HEATR5A: variants seen among roughly 807,000 people sequenced by gnomAD.
The protein encoded by HEATR5A is HEAT repeat containing 5A.
HEATR5A carries 178 observed loss-of-function variants against 218.8 expected under a neutral mutation model. The observed-to-expected ratio is 0.81, with a 90% confidence interval of 0.72 to 0.92. The LOEUF (loss-of-function observed/expected upper bound fraction) is 0.92. Ranked by LOEUF, HEATR5A falls within the 40% of genes least tolerant of loss-of-function variation. HEATR5A has a pLI of 0.00. For synonymous variants in HEATR5A, 864 were observed against 871.6 expected (o/e 0.99, Z 0.15); for missense variants, 2,420 against 2,418.9 (o/e 1.00, Z -0.01).
rs143549081 is a variant in HEATR5A, at chr14:31,404,211, A to T, written c.-74-1162T>A. ...TAGAAGGTACCAGATCATATACAAA[A>T]GATGGGTATTCCTATTCACTAGTGT... On this transcript the variant is annotated intron_variant, in intron 1 of 35. Transcript: ENST00000543095. Among the ~76,000 whole-genome samples, 284 of 152,374 alleles carry T rather than the reference A, an allele frequency of 1.9e-3. 2 individuals carry two copies. The highest frequency in any genetic ancestry group is 6.5e-3 in the African/African-American group (270 of 41,592).
chr14:31,358,083 T>C (rs922463325), intron 16 of HEATR5A, among the ~76,000 whole-genome samples: 3 of 152,220 alleles, frequency 2.0e-5, no homozygotes, highest in Admixed American at 6.5e-5. Flanking sequence ...CCCCTCACAA[T>C]GCCTGATGAT....
rs925607421 is a variant in HEATR5A at position 31,292,036 on chromosome 14, C to T, written c.*1269G>A. ...AGTGCTTGATTCACACAGTATAACA[C>T]TGAAGTAGAAGGAGAATCAACAATC... is the stretch of plus-strand genomic sequence containing the variant. On this transcript the variant is annotated 3_prime_UTR_variant, in exon 36 of 36. Transcript: ENST00000543095. 1 of 152,142 alleles carries T rather than the reference C, an allele frequency of 6.6e-6. No homozygotes were observed. The highest frequency in any genetic ancestry group is 6.5e-5 in the Admixed American group (1 of 15,276). 9.4% of individuals were successfully genotyped at this position (152,142 alleles called of 1,614,324 possible).
chr14:31,392,548 C>T lies in HEATR5A; in HGVS notation c.772+1504G>A, dbSNP rs566336911. Among the ~76,000 whole-genome samples the T allele has an allele frequency of 2.6e-4, 40 of 152,252 alleles. 1 individual carries two copies. The South Asian group carries it at 8.3e-3, about 32-fold the overall frequency. On this transcript the variant is annotated intron_variant, in intron 6 of 35. Coordinates refer to ENST00000543095, the MANE Select transcript of HEATR5A (RefSeq NM_015473.4). The stretch of plus-strand genomic sequence containing the variant: ...TCTATATTAGAGATTCCTGAATAAT[C>T]ACTATTAATTTATTCCTAAAATAAA...
chr14:31,374,458 T>A (rs1902153263), intron 12 of HEATR5A, among the ~76,000 whole-genome samples: 2 of 152,162 alleles, frequency 1.3e-5, no homozygotes, highest in Admixed American at 1.3e-4. Flanking sequence ...TCCATGCTGT[T>A]CAAGGGTCAA....
chr14:31,374,747 T>C (rs1236775430), intron 12 of HEATR5A, 69 bp downstream of exon 12: 5 of 1,416,270 alleles, frequency 3.5e-6, no homozygotes, highest in Non-Finnish European at 3.8e-6. Flanking sequence ...AACATACAAG[T>C]ACATGTTAAA....
chr14:31,382,154 C>G (rs2030017199), intron 10 of HEATR5A, among the ~76,000 whole-genome samples: 1 of 152,150 alleles, frequency 6.6e-6, no homozygotes, highest in Non-Finnish European at 1.5e-5. Context: ...GGAACCTTGT[C>G]TGAATTAATG....
At chr14:31,419,570 G>T (rs1476844299) in intron 1 of HEATR5A, among the ~76,000 whole-genome samples, 2 of 151,992 alleles carry the variant, frequency 1.3e-5, no homozygotes, top group African/African-American at 4.8e-5. Flanking sequence ...CCTTAAGGGC[G>T]CCTAGCCCCA....
chr14:31,362,202 C>T (rs138769443), intron 14 of HEATR5A, among the ~76,000 whole-genome samples: 3,453 of 152,086 alleles, frequency 0.023, 124 homozygotes, highest in African/African-American at 0.079. Flanking sequence ...TTCCTGACCT[C>T]AAATGATCCA....
intron 32 of HEATR5A, 25 bp downstream of exon 32, chr14:31,304,880 C>G: frequency 1.9e-6 from 3 of 1,604,186 alleles, no homozygotes; most frequent in Middle Eastern, 1.7e-4. Flanking sequence ...TAGGTCAAGT[C>G]AAGCAATCAC....
intron 25 of HEATR5A, chr14:31,320,689 G>A (rs577183671): frequency 1.0e-4 from 48 of 477,766 alleles, no homozygotes; most frequent in African/African-American, 2.4e-4. Context: ...TCCCCCACCC[G>A]GAAAATCAAC....
chr14:31,343,377 T>C lies in HEATR5A; in HGVS notation c.3228+519A>G, dbSNP rs190670641. ...AGCCACTGCGCCTGGCCAGGGGAAGTCTTAAAACCAATGACAATGAACCAC... is the reference window on the plus strand; with the variant it reads ...AGCCACTGCGCCTGGCCAGGGGAAGCCTTAAAACCAATGACAATGAACCAC... On this transcript the variant is annotated intron_variant, in intron 21 of 35. Transcript: ENST00000543095. Among the ~76,000 whole-genome samples the C allele has an allele frequency of 2.3e-4, 35 of 152,286 alleles. No homozygotes were observed. The East Asian group carries it at 6.6e-3, about 29-fold the overall frequency.
At chr14:31,344,196 C>G (rs1422776004) in intron 20 of HEATR5A, 131 bp from the exon 21 acceptor site, 5 of 323,290 alleles carry the variant, frequency 1.5e-5, no homozygotes, top group African/African-American at 1.1e-4. Context: ...ACAGTCACTA[C>G]AAATCTGTGA....
intron 1 of HEATR5A, among the ~76,000 whole-genome samples, chr14:31,404,509 C>T (rs1369481877): frequency 6.6e-6 from 1 of 152,070 alleles, no homozygotes; most frequent in East Asian, 1.9e-4. Flanking sequence ...TGAAAAAAGC[C>T]TCTTTAATAA....
At chr14:31,338,157 C>T (rs763994093) in intron 21 of HEATR5A, among the ~76,000 whole-genome samples, 5 of 152,122 alleles carry the variant, frequency 3.3e-5, no homozygotes, top group Non-Finnish European at 7.4e-5. Flanking sequence ...TTAGTTTCCT[C>T]GTTTGTAACA....
rs547846439 is a variant in HEATR5A, at chr14:31,317,658, A to G, written c.4038+566T>C. Among the ~76,000 whole-genome samples the G allele has an allele frequency of 7.9e-5, 12 of 152,310 alleles. No individual in the cohort carries two copies. The South Asian group carries it at 2.1e-3, about 26-fold the overall frequency. ...GAAAAGCAACTGTTTAAAATTGTAT[A>G]TTGTATGGCTCTTAAGTATATGAAA... On this transcript the variant is annotated intron_variant, in intron 26 of 35. Transcript: ENST00000543095.
Position 31,308,946 on chromosome 14 carries a change from G to A in HEATR5A, c.4678C>T (p.His1560Tyr), listed in dbSNP as rs368859078. 1.7e-5 allele frequency: 28 copies of A among 1,611,664 alleles called. No individual in the cohort carries two copies. In the African/African-American group the frequency reaches 2.8e-4, roughly 16 times the overall value. The change falls in exon 29 of 36, where the codon CAT becomes TAT. Residue 1560 changes from histidine (H) to tyrosine (Y), a missense_variant. By Grantham distance (83) the His-to-Tyr change is moderately conservative (BLOSUM62 2). Transcript: ENST00000543095. ...TGGTTTAACTGACCTAAAATAAGAT[G>A]GAATCTATCAGTGTAGACATCCTCA... is the stretch of plus-strand genomic sequence containing the variant. ...SPEDVYTDRF[H>Y]LILGISVEFL...
Position 31,395,305 on chromosome 14 carries a change from A to T in HEATR5A, c.491T>A (p.Leu164Ter). 6.5e-7 allele frequency: 1 copy of T among 1,531,364 alleles called. No individual in the cohort carries two copies. The highest frequency in any genetic ancestry group is 8.7e-7 in the Non-Finnish European group (1 of 1,143,074). 94.9% of individuals were successfully genotyped at this position (1,531,364 alleles called of 1,614,324 possible). ...TGCAGCGGCAGCTCCTAGTCCATTC[A>T]ATATATTTTGCAGACTTAGCATAAT... Reference protein sequence around the residue: ...YEIMLSLQNILNGLGAAAAPC... With the variant: ...YEIMLSLQNI Residue 164 changes from leucine to a stop codon, truncating the protein, a stop_gained, in exon 5 of 36, where the codon TTG becomes TAG. Coordinates refer to ENST00000543095, the MANE Select transcript of HEATR5A (RefSeq NM_015473.4). LOFTEE classifies it high-confidence loss of function.
chr14:31,368,805 T>C (rs1453735698), intron 13 of HEATR5A, among the ~76,000 whole-genome samples: 3 of 151,748 alleles, frequency 2.0e-5, no homozygotes, highest in Admixed American at 6.6e-5. Context: ...CAAGCAATCC[T>C]CTCACCTCAG....
At chr14:31,335,335 T>A (rs1286009149) in intron 22 of HEATR5A, among the ~76,000 whole-genome samples, 3 of 152,082 alleles carry the variant, frequency 2.0e-5, no homozygotes, top group Non-Finnish European at 4.4e-5. Context: ...TTAATTCAAG[T>A]TGAAGCAAAA....
Sources: allele counts gnomAD v4.1 joint callset (sites outside exome capture counted in the v4.1 genomes callset), GRCh38; gene constraint gnomAD v4.1.1; transcripts MANE v1.5; gene names NCBI Gene and HGNC (gene_info 2026-07-23, HGNC 2026-07-21).